Variants in CCDC39 observed in about 807,000 individuals in gnomAD.
CCDC39 encodes coiled-coil domain 39 molecular ruler complex subunit, also known as coiled-coil domain-containing protein 39.
In CCDC39, 113 loss-of-function variants were observed where a neutral mutation model predicts 121.0. The observed-to-expected ratio is 0.93, with a 90% CI of 0.80 to 1.09. CCDC39 has a LOEUF of 1.09. Among genes scored for constraint, CCDC39 ranks in the 50% least tolerant of loss-of-function variants. The pLI is 0.00. For synonymous variants in CCDC39, 349 were observed against 352.2 expected (o/e 0.99, Z 0.10); for missense variants, 1,063 against 1,074.7 (o/e 0.99, Z 0.15).
At chr3:180,640,157 G>A (rs559128362) in intron 13 of CCDC39, among the ~76,000 whole-genome samples, 13 of 151,908 alleles carry the variant, frequency 8.6e-5, no homozygotes, top group Non-Finnish European at 1.6e-4. Flanking sequence ...TGGTCTCTCC[G>A]GTACATTACG....
chr3:180,672,192 C>T (rs1306433230), intron 1 of CCDC39, among the ~76,000 whole-genome samples: 2 of 152,072 alleles, frequency 1.3e-5, no homozygotes, highest in African/African-American at 4.8e-5. Context: ...TCTGCAAGTG[C>T]TCTATAGATA....
intron 7 of CCDC39, among the ~76,000 whole-genome samples, chr3:180,652,693 C>T (rs1192390304): frequency 6.6e-6 from 1 of 152,030 alleles, no homozygotes; most frequent in African/African-American, 2.4e-5. Context: ...CTATATTTTA[C>T]TATTAATCAA....
intron 1 of CCDC39, among the ~76,000 whole-genome samples, chr3:180,676,129 C>A (rs1187490399): frequency 3.9e-5 from 6 of 152,076 alleles, no homozygotes; most frequent in Admixed American, 6.5e-5. Flanking sequence ...GCAACAAAAG[C>A]CAAAATTGAC....
chr3:180,677,458 T>A lies in CCDC39; in HGVS notation c.90+1833A>T, dbSNP rs946661170. On this transcript the variant is annotated intron_variant, in intron 1 of 19. Transcript: ENST00000476379. ...AAAATGATAAAACCATTATTTTTAA[T>A]AGGGGAAAAGGAGGTGGGAAAATGT... Among the ~76,000 whole-genome samples the A allele has an allele frequency of 2.2e-4, 34 of 151,546 alleles. 1 individual carries two copies. Among genetic ancestry groups the A allele is most frequent in the African/African-American group, 7.0e-4 (29 of 41,318 alleles).
Position 180,615,060 on chromosome 3 carries a change from C to T in CCDC39, c.2687G>A (p.Ser896Asn), listed in dbSNP as rs1386857992. The T allele has an allele frequency of 8.4e-6, 13 of 1,543,764 alleles. No individual in the cohort carries two copies. The highest frequency in any genetic ancestry group is 1.7e-4 in the Middle Eastern group (1 of 5,970). The change falls in exon 20 of 20, where the codon AGT becomes AAT. Residue 896 changes from serine (S) to asparagine (N), a missense_variant. Transcript: ENST00000476379. ...SLSARSSRST[S>N]TSTSQSSIKV... ...AATTGAAGACTGAGAAGTAGATGTA[C>T]TTGTACTCCTAGATGACCTAGAAGA... is the stretch of plus-strand genomic sequence containing the variant.
chr3:180,661,954 G>A lies in CCDC39; in HGVS notation c.264C>T (p.Ala88=). Residue 88 remains alanine, a synonymous_variant, in exon 3 of 20, where the codon GCC becomes GCT. Transcript: ENST00000476379. ...RETESEEHFK[A]IAQRELGRVK... is the part of the protein sequence containing the mutation. The stretch of plus-strand genomic sequence containing the variant: ...CTCGTCCCAATTCTCTTTGAGCAAT[G>A]GCCTTAAAATGTTCTTCACTTTCAG... 1 of 1,562,618 alleles carries A rather than the reference G, an allele frequency of 6.4e-7. No individual in the cohort carries two copies. The highest frequency in any genetic ancestry group is 1.9e-5 in the Admixed American group (1 of 52,038).
chr3:180,667,130 A>T (rs1008583525), intron 1 of CCDC39, among the ~76,000 whole-genome samples: 1 of 152,210 alleles, frequency 6.6e-6, no homozygotes, highest in Admixed American at 6.5e-5. Flanking sequence ...TAATTGATAC[A>T]TTCCAAATTC....
At chr3:180,622,652 T>G (rs1717457452) in intron 14 of CCDC39, among the ~76,000 whole-genome samples, 1 of 152,150 alleles carries the variant, frequency 6.6e-6, no homozygotes, top group Admixed American at 6.5e-5. Flanking sequence ...TTGCTTTATC[T>G]GCATCTATTG....
intron 12 of CCDC39, among the ~76,000 whole-genome samples, chr3:180,643,368 A>C (rs1718004222): frequency 6.6e-6 from 1 of 152,212 alleles, no homozygotes; most frequent in African/African-American, 2.4e-5. Flanking sequence ...AAAGAAAAAA[A>C]ATATGGAACA....
At chr3:180,662,349 G>A (rs1416971860) in intron 2 of CCDC39, among the ~76,000 whole-genome samples, 1 of 152,016 alleles carries the variant, frequency 6.6e-6, no homozygotes, top group African/African-American at 2.4e-5. Context: ...AAAAACAGTT[G>A]AGAAATGACA....
intron 1 of CCDC39, among the ~76,000 whole-genome samples, chr3:180,665,026 A>C (rs1030303559): frequency 1.4e-4 from 21 of 152,082 alleles, no homozygotes; most frequent in African/African-American, 4.8e-4. Flanking sequence ...AAGATATCTT[A>C]AGCGAACAAG....
At position 180,631,409 on chromosome 3, in the gene CCDC39, GATGA is replaced by G. The variant is rs1182637727; in HGVS notation, c.1998+56_1998+59del. On this transcript the variant is annotated intron_variant, in intron 14 of 19. Coordinates refer to ENST00000476379, the MANE Select transcript of CCDC39 (RefSeq NM_181426.2). ...TTTTTATTTAAATTCAGAGGATTAT[GATGA>G]ATGAGTTAACAAAGAAAATTTCATA... is the stretch of plus-strand genomic sequence containing the variant. 9 of 1,418,740 alleles carry G rather than the reference GATGA, an allele frequency of 6.3e-6. No homozygotes were observed. The Admixed American group carries it at 1.6e-4, about 25-fold the overall frequency. 87.9% of individuals were successfully genotyped at this position (1,418,740 alleles called of 1,614,324 possible). A position where few individuals can be genotyped will look rare whatever the true frequency, so the allele number is the denominator to read the frequency against.
intron 9 of CCDC39, 26 bp downstream of exon 9, chr3:180,651,375 A>G (rs1396971286): frequency 1.8e-5 from 28 of 1,534,142 alleles, no homozygotes; most frequent in Non-Finnish European, 2.4e-5. Flanking sequence ...TCTGTGATTT[A>G]AAGAAAAATT....
At chr3:180,657,352 A>G (rs1214598045) in intron 6 of CCDC39, among the ~76,000 whole-genome samples, 1 of 152,132 alleles carries the variant, frequency 6.6e-6, no homozygotes, top group East Asian at 1.9e-4. Context: ...GGGAGCTACT[A>G]GTTGTGTATT....
intron 1 of CCDC39, among the ~76,000 whole-genome samples, chr3:180,669,729 G>A (rs946562039): frequency 2.0e-5 from 3 of 152,110 alleles, no homozygotes; most frequent in African/African-American, 7.2e-5. Flanking sequence ...TAGGGAAAAT[G>A]TCAGAGGGGT....
intron 14 of CCDC39, among the ~76,000 whole-genome samples, chr3:180,628,212 T>C (rs902269278): frequency 6.6e-6 from 1 of 152,114 alleles, no homozygotes; most frequent in Non-Finnish European, 1.5e-5. Flanking sequence ...GTATCAGATA[T>C]ATATTTCCTT....
Position 180,654,928 on chromosome 3 carries a change from G to T in CCDC39, c.764C>A (p.Thr255Lys), listed in dbSNP as rs753991733. The change falls in exon 7 of 20, where the codon ACG (threonine) becomes AAG (lysine). Residue 255 changes from threonine (T) to lysine (K), a missense_variant. Coordinates refer to ENST00000476379, the MANE Select transcript of CCDC39 (RefSeq NM_181426.2). ...TTTAACCAAATTTTCTTTTTCTCTC[G>T]TTTCCTGCTTTATCCTTGCTAATTC... ...ALELARIKQE[T>K]REKENLVKEK... is the part of the protein sequence containing the mutation. The T allele has an allele frequency of 1.3e-6, 2 of 1,575,466 alleles. No homozygotes were observed. Among genetic ancestry groups the T allele is most frequent in the East Asian group, 2.3e-5 (1 of 42,950 alleles).
chr3:180,654,290 T>C lies in CCDC39; in HGVS notation c.930+472A>G, dbSNP rs557066611. Reference sequence around the variant, plus strand: ...CTCTGGTACCATATACAAAAATTAATTCAAAATGAATTAAAGACTTAAATA... The same window carrying C: ...CTCTGGTACCATATACAAAAATTAACTCAAAATGAATTAAAGACTTAAATA... On this transcript the variant is annotated intron_variant, in intron 7 of 19. Transcript: ENST00000476379. Among the ~76,000 whole-genome samples the C allele has an allele frequency of 1.2e-4, 18 of 145,840 alleles. No individual in the cohort carries two copies. In the South Asian group the frequency reaches 3.2e-3, roughly 26 times the overall value.
chr3:180,674,107 T>C (rs1712125424), intron 1 of CCDC39, among the ~76,000 whole-genome samples: 1 of 152,164 alleles, frequency 6.6e-6, no homozygotes, highest in Non-Finnish European at 1.5e-5. Context: ...TTCCTATTCA[T>C]GAGCATGGAA....
Sources: gnomAD v4.1 joint callset for allele counts (sites outside exome capture counted in the v4.1 genomes callset) on GRCh38, gnomAD v4.1.1 for gene constraint, MANE v1.5 for transcripts, NCBI Gene and HGNC (gene_info 2026-07-23, HGNC 2026-07-21) for gene names.